Variants in SRR observed in about 807,000 individuals in gnomAD.
SRR encodes the protein D-serine ammonia-lyase.
In SRR, 19 loss-of-function variants were observed where a neutral mutation model predicts 32.7. The ratio of observed to expected loss-of-function variants is 0.58; its 90% CI spans 0.40 to 0.85. The LOEUF is 0.85. Ranked by LOEUF, SRR falls within the 40% of genes least tolerant of loss-of-function variation. The pLI is 0.00. For synonymous variants in SRR, 142 were observed against 140.9 expected, an observed-to-expected ratio of 1.01 and a Z score of -0.06; for missense variants, 373 against 404.7, an observed-to-expected ratio of 0.92 and a Z score of 0.67.
intron 1 of SRR, 156 bp from the exon 2 acceptor site, chr17:2,315,401 A>G (rs1161197676): frequency 2.9e-6 from 2 of 684,890 alleles, no homozygotes; most frequent in Non-Finnish European, 2.2e-6. Context: ...TTTTAAGTCA[A>G]CTCTCTTTTA....
chr17:2,320,204 C>G (rs1324025270), intron 4 of SRR, among the ~76,000 whole-genome samples: 2 of 151,408 alleles, frequency 1.3e-5, no homozygotes, highest in East Asian at 3.9e-4. Flanking sequence ...ATCATCTAAT[C>G]CCTGGATAAA....
chr17:2,306,213 C>T (rs1018481032), intron 1 of SRR, among the ~76,000 whole-genome samples: 26 of 150,776 alleles, frequency 1.7e-4, no homozygotes, highest in African/African-American at 5.8e-4. Context: ...CTACTTGGGA[C>T]GCTCAGGCAG....
chr17:2,308,693 C>T (rs1250765142), intron 1 of SRR, among the ~76,000 whole-genome samples: 2 of 152,136 alleles, frequency 1.3e-5, no homozygotes, highest in Non-Finnish European at 2.9e-5. Context: ...TGGTGGCACG[C>T]TCCTGTAATC....
chr17:2,307,478 T>C, intron 1 of SRR: 1 of 1,438,450 alleles, frequency 7.0e-7, no homozygotes, highest in Non-Finnish European at 9.6e-7. Flanking sequence ...TATCGTGCAG[T>C]GGGGATGGCT....
At chr17:2,312,360 C>T (rs916090380) in intron 1 of SRR, among the ~76,000 whole-genome samples, 1 of 152,154 alleles carries the variant, frequency 6.6e-6, no homozygotes, top group Non-Finnish European at 1.5e-5. Context: ...CTTTGGGAGT[C>T]TGAGGCAGGT....
rs752460544 is a variant in SRR, at chr17:2,318,896, A to G, written c.366A>G (p.Gly122=). The change falls in exon 4 of 8, where the codon GGA becomes GGG. Residue 122 remains glycine, a synonymous_variant. Transcript: ENST00000344595. ...DCKKLAIQAY[G]ASIVYCEPSD... is the part of the protein sequence containing the mutation. Reference sequence around the variant, plus strand: ...AAAAACTTGCAATACAAGCCTACGGAGCGTCAATTGTATACTGTGAACCTA... The same window carrying G: ...AAAAACTTGCAATACAAGCCTACGGGGCGTCAATTGTATACTGTGAACCTA... The G allele has an allele frequency of 6.2e-7, 1 of 1,613,684 alleles. No homozygotes were observed. The highest frequency in any genetic ancestry group is 1.3e-5 in the African/African-American group (1 of 74,876).
chr17:2,321,716 T>A, intron 6 of SRR, 100 bp downstream of exon 6: 1 of 1,032,754 alleles, frequency 9.7e-7, no homozygotes, highest in Non-Finnish European at 1.5e-6. Context: ...CACATTACCA[T>A]TCCTTCCCCT....
At position 2,324,909 on chromosome 17, in the gene SRR, C is replaced by G; in HGVS notation, c.*1036C>G. On this transcript the variant is annotated 3_prime_UTR_variant, in exon 8 of 8. Coordinates refer to ENST00000344595, the MANE Select transcript of SRR (RefSeq NM_021947.3). ...TTATTGCCCAGTCCATTTAAAGACC[C>G]ATGCAAGAGCCTGGTTTGTCATCCC... 1 of 1,489,252 alleles carries G rather than the reference C, an allele frequency of 6.7e-7. No homozygotes were observed. Among genetic ancestry groups the G allele is most frequent in the Admixed American group, 2.3e-5 (1 of 42,658 alleles). The allele number at this position is 1,489,252 out of a possible 1,614,324, so 92.3% of individuals were successfully genotyped here.
intron 1 of SRR, among the ~76,000 whole-genome samples, chr17:2,311,472 C>A (rs1450771075): frequency 6.6e-6 from 1 of 151,782 alleles, no homozygotes; most frequent in Non-Finnish European, 1.5e-5. Context: ...CTTGTCTCTA[C>A]AAAAAATACA....
intron 3 of SRR, among the ~76,000 whole-genome samples, chr17:2,318,205 C>T (rs899526392): frequency 4.6e-5 from 7 of 152,100 alleles, no homozygotes; most frequent in Non-Finnish European, 8.8e-5. Context: ...AGAGCGGTGA[C>T]GCGATCTCGG....
intron 6 of SRR, among the ~76,000 whole-genome samples, chr17:2,322,104 AT>A (rs948593414): frequency 3.3e-5 from 5 of 151,746 alleles, no homozygotes; most frequent in Admixed American, 2.6e-4. Context: ...TAATATTTTT[AT>A]TTTTTTTAAG....
intron 2 of SRR, 91 bp from the exon 3 acceptor site, chr17:2,317,779 G>A: frequency 7.5e-7 from 1 of 1,328,062 alleles, no homozygotes; most frequent in African/African-American, 1.5e-5. Flanking sequence ...GATTGGATGT[G>A]CATGTTAAGG....
Position 2,317,874 on chromosome 17 carries a change from G to A in SRR, c.173G>A (p.Arg58His), listed in dbSNP as rs145419072. ...LFQKTGSFKI[R>H]GALNAVRSLV... ...TTCACCATCCCTCTTTTTCAGATTC[G>A]TGGTGCTCTCAATGCCGTCAGAAGC... The change falls in exon 3 of 8, where the codon CGT becomes CAT. Residue 58 changes from arginine (R) to histidine (H), a missense_variant. Arg to His is a conservative substitution (Grantham distance 29). Coordinates refer to ENST00000344595, the MANE Select transcript of SRR (RefSeq NM_021947.3). The A allele has an allele frequency of 2.5e-6, 4 of 1,611,394 alleles. No homozygotes were observed. Among genetic ancestry groups the A allele is most frequent in the African/African-American group, 1.3e-5 (1 of 74,818 alleles).
chr17:2,316,968 C>T (rs2075479135), intron 2 of SRR, among the ~76,000 whole-genome samples: 1 of 150,234 alleles, frequency 6.7e-6, no homozygotes, highest in South Asian at 2.1e-4. Context: ...GTGATCCGCC[C>T]GCCTCTGCCT....
At chr17:2,314,508 G>A (rs1022325308) in intron 1 of SRR, among the ~76,000 whole-genome samples, 1 of 151,286 alleles carries the variant, frequency 6.6e-6, no homozygotes, top group African/African-American at 2.4e-5. Flanking sequence ...GCGTGAACCC[G>A]GGAGGCGGAG....
chr17:2,312,616 C>T (rs1468492292), intron 1 of SRR, among the ~76,000 whole-genome samples: 4 of 151,982 alleles, frequency 2.6e-5, no homozygotes, highest in South Asian at 2.1e-4. Context: ...AACTACTAGA[C>T]ATAACTAAAT....
chr17:2,316,078 T>C (rs1271010136), intron 2 of SRR, among the ~76,000 whole-genome samples: 1 of 152,180 alleles, frequency 6.6e-6, no homozygotes, highest in Non-Finnish European at 1.5e-5. Flanking sequence ...TGGTGGTCCT[T>C]GGTCCCATAA....
chr17:2,308,204 C>A (rs505744), intron 1 of SRR, among the ~76,000 whole-genome samples: 88,072 of 151,798 alleles, frequency 0.58, 25,936 homozygotes, highest in East Asian at 0.68. Context: ...AGGAAAAATC[C>A]TATAAGTAAC....
intron 4 of SRR, among the ~76,000 whole-genome samples, chr17:2,321,092 T>C (rs1033414315): frequency 3.9e-5 from 6 of 152,200 alleles, no homozygotes; most frequent in African/African-American, 1.2e-4. Flanking sequence ...TTTTACTCCA[T>C]TGCACTTAGA....
Sources: allele counts gnomAD v4.1 joint callset (sites outside exome capture counted in the v4.1 genomes callset), GRCh38; gene constraint gnomAD v4.1.1; transcripts MANE v1.5; gene names NCBI Gene and HGNC (gene_info 2026-07-23, HGNC 2026-07-21).